Variants in CPNE5 observed in about 807,000 individuals in gnomAD.
CPNE5 encodes copine 5, also known as copine-5.
CPNE5 carries 42 observed loss-of-function variants against 81.1 expected under a neutral mutation model. That is an observed-to-expected ratio of 0.52 (90% CI 0.40 to 0.67). The LOEUF is 0.67. Among genes scored for constraint, CPNE5 ranks in the 30% least tolerant of loss-of-function variants. The pLI is 0.00. For synonymous variants in CPNE5, 313 were observed against 321.5 expected (o/e 0.97, Z 0.28); for missense variants, 612 against 815.5 (o/e 0.75, Z 3.04).
rs1429545080 is a variant in CPNE5, at chr6:36,839,384, C to T, written c.-7G>A. ...TGTCCTCAGGCTGCTCCATCGCCCA[C>T]CGCACCCCCCACCCCAAATTAGTCA... is the stretch of plus-strand genomic sequence containing the variant. On this transcript the variant is annotated 5_prime_UTR_variant, in exon 1 of 21. It adds an upstream start codon to the 5' untranslated region. Coordinates refer to ENST00000244751, the MANE Select transcript of CPNE5 (RefSeq NM_020939.2). The surrounding 1 kb of genome is among the most constrained non-coding windows in gnomAD (Gnocchi z 7.3). 6.5e-7 allele frequency: 1 copy of T among 1,541,192 alleles called. No individual in the cohort carries two copies.
chr6:36,742,697 T>C lies in CPNE5; in HGVS notation c.1564-211A>G, dbSNP rs181098145. 12 of 985,122 alleles carry C rather than the reference T, an allele frequency of 1.2e-5. No homozygotes were observed. In the Admixed American group the frequency reaches 7.4e-4, roughly 61 times the overall value. 61.0% of individuals were successfully genotyped at this position (985,122 alleles called of 1,614,324 possible). On this transcript the variant is annotated intron_variant, in intron 20 of 20. Coordinates refer to ENST00000244751, the MANE Select transcript of CPNE5 (RefSeq NM_020939.2). ...TATAGTCATAGTCACTATTCTTTCA[T>C]TCACTCGACAAAAACTGAGCCCTAT...
intron 8 of CPNE5, among the ~76,000 whole-genome samples, chr6:36,782,553 C>T (rs549014527): frequency 6.6e-6 from 1 of 152,132 alleles, no homozygotes; most frequent in Admixed American, 6.5e-5. Context: ...GCCTGTAATC[C>T]CAGCACTCTG....
intron 1 of CPNE5, chr6:36,827,393 G>A: frequency 4.1e-6 from 4 of 985,366 alleles, no homozygotes; most frequent in Non-Finnish European, 4.8e-6. Context: ...GCTCACCCCT[G>A]CCCCGGGGTA....
chr6:36,777,760 C>T (rs867094765), intron 9 of CPNE5, among the ~76,000 whole-genome samples: 6 of 34,438 alleles, frequency 1.7e-4, no homozygotes, highest in African/African-American at 5.2e-4. Context: ...CCTACCCCCC[C>T]CCCCACCACA....
intron 9 of CPNE5, among the ~76,000 whole-genome samples, chr6:36,775,384 C>G (rs1454137725): frequency 1.3e-5 from 2 of 152,246 alleles, no homozygotes; most frequent in Non-Finnish European, 2.9e-5. Context: ...GCTCTCCCCT[C>G]TCTGGGCCTC....
chr6:36,788,193 G>A (rs1297945460), intron 8 of CPNE5, among the ~76,000 whole-genome samples: 4 of 151,320 alleles, frequency 2.6e-5, no homozygotes, highest in African/African-American at 4.9e-5. Context: ...ACCACACCCT[G>A]CTAATTTAAA....
intron 3 of CPNE5, among the ~76,000 whole-genome samples, chr6:36,817,917 C>T (rs936667968): frequency 2.0e-5 from 3 of 152,212 alleles, no homozygotes; most frequent in Non-Finnish European, 4.4e-5. Flanking sequence ...CCTATTGCTA[C>T]CCTTGAGACT....
At chr6:36,832,841 C>T (rs953005692) in intron 1 of CPNE5, among the ~76,000 whole-genome samples, 1 of 152,150 alleles carries the variant, frequency 6.6e-6, no homozygotes, top group African/African-American at 2.4e-5. Context: ...TAGACCATCT[C>T]GAGTATCGCC....
intron 3 of CPNE5, among the ~76,000 whole-genome samples, chr6:36,818,640 T>C (rs1057242360): frequency 2.0e-5 from 3 of 152,172 alleles, no homozygotes; most frequent in Non-Finnish European, 2.9e-5. Flanking sequence ...ACGCCAGATG[T>C]GGAAACTGAG....
At chr6:36,787,833 C>A (rs973186097) in intron 8 of CPNE5, among the ~76,000 whole-genome samples, 11 of 152,146 alleles carry the variant, frequency 7.2e-5, no homozygotes, top group African/African-American at 2.7e-4. Context: ...ACCACCGCCA[C>A]CATCCTGGCT....
At chr6:36,774,721 G>A (rs1767344194) in intron 10 of CPNE5, among the ~76,000 whole-genome samples, 3 of 151,084 alleles carry the variant, frequency 2.0e-5, no homozygotes, top group East Asian at 3.9e-4. Context: ...GGTGGGGCGG[G>A]TGGGGAGAAG....
At chr6:36,743,878 C>T in intron 19 of CPNE5, 116 bp from the exon 20 acceptor site, 2 of 893,400 alleles carry the variant, frequency 2.2e-6, no homozygotes, top group East Asian at 2.5e-5. Context: ...GACCACTGGC[C>T]CATGCCCCGT....
intron 7 of CPNE5, among the ~76,000 whole-genome samples, chr6:36,793,960 A>C (rs1769328709): frequency 6.6e-6 from 1 of 152,122 alleles, no homozygotes; most frequent in Non-Finnish European, 1.5e-5. Flanking sequence ...GAACTCCCCA[A>C]CCGGGAAAGA....
intron 13 of CPNE5, chr6:36,754,089 A>AGTGG (rs147301704): frequency 0.16 from 23,829 of 152,158 alleles, 1,921 homozygotes; most frequent in East Asian, 0.21. Flanking sequence ...ACTTACTAGG[A>AGTGG]ACCACGGCAG....
chr6:36,838,456 G>A (rs578107862), intron 1 of CPNE5, among the ~76,000 whole-genome samples: 201 of 152,294 alleles, frequency 1.3e-3, no homozygotes, highest in Middle Eastern at 6.8e-3. Context: ...ACTGCCAGGG[G>A]CAGCCTTCCC....
intron 13 of CPNE5, among the ~76,000 whole-genome samples, chr6:36,753,383 C>T (rs780653552): frequency 4.5e-4 from 69 of 152,296 alleles, no homozygotes; most frequent in Middle Eastern, 3.4e-3. Flanking sequence ...TTGACCTTGA[C>T]GGAAGGGTCC....
rs1031465988 is a variant in CPNE5, at chr6:36,745,636, G to A, written c.1201-121C>T. 7.8e-6 allele frequency: 9 copies of A among 1,151,904 alleles called. No individual in the cohort carries two copies. In the African/African-American group the frequency reaches 1.2e-4, roughly 16 times the overall value. The allele number at this position is 1,151,904 out of a possible 1,614,324, so 71.4% of individuals were successfully genotyped here. A position where few individuals can be genotyped will look rare whatever the true frequency, so the allele number is the denominator to read the frequency against. ...TGGGCTCCCCCAGGTCTTCTCTGGT[G>A]TGGGGTGGCGGGGCAGGGGAGGGAG... On this transcript the variant is annotated intron_variant, in intron 16 of 20. Coordinates refer to ENST00000244751, the MANE Select transcript of CPNE5 (RefSeq NM_020939.2).
intron 1 of CPNE5, among the ~76,000 whole-genome samples, chr6:36,826,583 G>A (rs550008163): frequency 6.6e-6 from 1 of 152,282 alleles, no homozygotes; most frequent in East Asian, 1.9e-4. Context: ...AAAATCATGG[G>A]TGTATCTGTC....
chr6:36,837,639 T>C (rs770553837), intron 1 of CPNE5, among the ~76,000 whole-genome samples: 4 of 152,142 alleles, frequency 2.6e-5, no homozygotes, highest in African/African-American at 4.8e-5. Context: ...TTGAGCTGTG[T>C]GTCTCATGGG....
Sources: gnomAD v4.1 joint callset for allele counts (sites outside exome capture counted in the v4.1 genomes callset) on GRCh38, gnomAD v4.1.1 for gene constraint, Gnocchi (gnomAD v3.1) non-coding constraint, MANE v1.5 for transcripts, NCBI Gene and HGNC (gene_info 2026-07-23, HGNC 2026-07-21) for gene names.